SLC35D2: variants seen among roughly 807,000 people sequenced by gnomAD.
The protein encoded by SLC35D2 is nucleotide sugar transporter SLC35D2.
In SLC35D2, 43 loss-of-function variants were observed where a neutral mutation model predicts 41.8. That is an observed-to-expected ratio of 1.03 (90% CI 0.81 to 1.33). The LOEUF is 1.33. Ranked by LOEUF, SLC35D2 falls within the 40% of genes most tolerant of loss-of-function variation. The probability of loss-of-function intolerance (pLI) is 0.00; values close to 1 mark genes in which losing one functional copy is unlikely to be tolerated. For synonymous variants in SLC35D2, 150 were observed against 163.9 expected (o/e 0.92, Z 0.65); for missense variants, 380 against 408.4 (o/e 0.93, Z 0.60).
Position 96,341,666 on chromosome 9 carries a change from A to G in SLC35D2, c.684+2238T>C, listed in dbSNP as rs60355162. Among the ~76,000 whole-genome samples, 379 of 152,348 alleles carry G rather than the reference A, an allele frequency of 2.5e-3. 1 individual carries two copies. The highest frequency in any genetic ancestry group is 8.5e-3 in the African/African-American group (354 of 41,590). On this transcript the variant is annotated intron_variant, in intron 8 of 11. Transcript: ENST00000253270. Reference sequence around the variant, plus strand: ...ATCACATGAGAAAGCAGAAGATTCCACATGATAATCATTACAGGCAGAGGG... The same window carrying G: ...ATCACATGAGAAAGCAGAAGATTCCGCATGATAATCATTACAGGCAGAGGG...
At chr9:96,326,521 C>T (rs567320077) in intron 9 of SLC35D2, among the ~76,000 whole-genome samples, 5 of 152,222 alleles carry the variant, frequency 3.3e-5, no homozygotes, top group African/African-American at 4.8e-5. Context: ...ATCTAAGTTT[C>T]GGCCAGGTGT....
intron 1 of SLC35D2, among the ~76,000 whole-genome samples, chr9:96,370,455 G>A (rs1830630501): frequency 6.6e-6 from 1 of 152,062 alleles, no homozygotes; most frequent in African/African-American, 2.4e-5. Flanking sequence ...TCAGGAGTTC[G>A]AGGCCAGCCT....
At chr9:96,383,103 C>T (rs1038323052) in intron 1 of SLC35D2, among the ~76,000 whole-genome samples, 4 of 152,228 alleles carry the variant, frequency 2.6e-5, no homozygotes, top group Non-Finnish European at 5.9e-5. Flanking sequence ...GACTTACTGG[C>T]TCAGGAGTAC....
chr9:96,315,578 T>A (rs1828033100), intron 11 of SLC35D2, among the ~76,000 whole-genome samples: 1 of 151,856 alleles, frequency 6.6e-6, no homozygotes, highest in Non-Finnish European at 1.5e-5. Flanking sequence ...GGACTACAGG[T>A]GCCTGCCACC....
chr9:96,333,792 A>G (rs1371903357), intron 9 of SLC35D2, among the ~76,000 whole-genome samples: 1 of 152,054 alleles, frequency 6.6e-6, no homozygotes, highest in Non-Finnish European at 1.5e-5. Context: ...AAAACAAAAA[A>G]CAAACCAAAA....
intron 4 of SLC35D2, among the ~76,000 whole-genome samples, chr9:96,355,181 C>A (rs181220894): frequency 5.3e-5 from 8 of 151,876 alleles, no homozygotes; most frequent in Admixed American, 5.3e-4. Flanking sequence ...CCATGCCTGG[C>A]TAATTTTTGT....
At chr9:96,355,127 T>C (rs1347522530) in intron 4 of SLC35D2, among the ~76,000 whole-genome samples, 2 of 151,284 alleles carry the variant, frequency 1.3e-5, no homozygotes, top group Admixed American at 6.6e-5. Flanking sequence ...CAAGCGATTC[T>C]TGTGCCTCAG....
chr9:96,374,320 G>A lies in SLC35D2; in HGVS notation c.159-6015C>T, dbSNP rs191844909. 4.3e-3 allele frequency among the ~76,000 whole-genome samples: 658 copies of A among 152,266 alleles called. 1 individual carries two copies. Among genetic ancestry groups the A allele is most frequent in the Non-Finnish European group, 7.5e-3 (507 of 68,022 alleles). ...GGAGGCCAAGGCAGGCGAATCACGA[G>A]GTCAAGAGATAGAGACTATCCTGGC... is the stretch of plus-strand genomic sequence containing the variant. On this transcript the variant is annotated intron_variant, in intron 1 of 11. Coordinates refer to ENST00000253270, the MANE Select transcript of SLC35D2 (RefSeq NM_007001.3).
intron 4 of SLC35D2, among the ~76,000 whole-genome samples, chr9:96,357,850 G>T (rs10122138): frequency 0.015 from 2,238 of 151,680 alleles, 52 homozygotes; most frequent in African/African-American, 0.05. Context: ...ATCAGCCTGG[G>T]CAACATGGTG....
chr9:96,338,732 A>C (rs897486444), intron 8 of SLC35D2, among the ~76,000 whole-genome samples: 15 of 152,174 alleles, frequency 9.9e-5, no homozygotes, highest in Non-Finnish European at 1.2e-4. Context: ...TAATAAATAT[A>C]AATCTGTCTT....
chr9:96,374,030 G>A (rs1461800974), intron 1 of SLC35D2: 3 of 152,170 alleles, frequency 2.0e-5, no homozygotes, highest in Non-Finnish European at 4.4e-5. Flanking sequence ...TCCCAGTACT[G>A]TGTGTGCCCT....
rs535939636 is a variant in SLC35D2, at chr9:96,343,707, A to T, written c.684+197T>A. 3.9e-5 allele frequency among the ~76,000 whole-genome samples: 6 copies of T among 152,328 alleles called. No homozygotes were observed. The East Asian group carries it at 9.6e-4, about 24-fold the overall frequency. On this transcript the variant is annotated intron_variant, in intron 8 of 11. Coordinates refer to ENST00000253270, the MANE Select transcript of SLC35D2 (RefSeq NM_007001.3). ...AGTCCAGAGTTCTTGGCTCTCCTTG[A>T]TATGTGGCTAAGGATAAATGCCAAT...
chr9:96,373,699 A>AC (rs1448015228), intron 1 of SLC35D2, among the ~76,000 whole-genome samples: 9 of 152,018 alleles, frequency 5.9e-5, no homozygotes, highest in African/African-American at 1.9e-4. Flanking sequence ...AAAAAAAAAA[A>AC]AAACAATTTG....
At chr9:96,333,294 GA>G (rs553422591) in intron 9 of SLC35D2, among the ~76,000 whole-genome samples, 4 of 151,358 alleles carry the variant, frequency 2.6e-5, no homozygotes, top group Admixed American at 1.3e-4. Context: ...ATTAAATGGG[GA>G]AAAAAAGTAT....
intron 1 of SLC35D2, among the ~76,000 whole-genome samples, chr9:96,377,513 G>C (rs1056204742): frequency 2.0e-5 from 3 of 152,132 alleles, no homozygotes; most frequent in Admixed American, 2.0e-4. Flanking sequence ...GCAAAACCTC[G>C]AACCTTCTCT....
At chr9:96,336,573 C>G (rs1248647610) in intron 9 of SLC35D2, 144 bp downstream of exon 9, 1 of 598,656 alleles carries the variant, frequency 1.7e-6, no homozygotes, top group African/African-American at 1.9e-5. Flanking sequence ...GGGTCCCTGA[C>G]ACCTCCTTTG....
intron 1 of SLC35D2, among the ~76,000 whole-genome samples, chr9:96,373,368 CT>C (rs1335852274): frequency 6.6e-6 from 1 of 152,174 alleles, no homozygotes; most frequent in Non-Finnish European, 1.5e-5. Flanking sequence ...ACCCCCTCCC[CT>C]GATATGTCCT....
At chr9:96,364,343 AAAG>A in intron 3 of SLC35D2, 118 bp downstream of exon 3, 1 of 654,868 alleles carries the variant, frequency 1.5e-6, no homozygotes, top group Non-Finnish European at 2.6e-6. Context: ...TCAAACAAAA[AAAG>A]AAGTTTCTAT....
At chr9:96,318,797 C>T (rs1828118308), downstream of SLC35D2, among the ~76,000 whole-genome samples, 1 of 151,956 alleles carries the variant, frequency 6.6e-6, no homozygotes, top group African/African-American at 2.4e-5. Context: ...TCTCTAAAAA[C>T]AAAATAAAAT....
Sources: allele counts gnomAD v4.1 joint callset (sites outside exome capture counted in the v4.1 genomes callset), GRCh38; gene constraint gnomAD v4.1.1; transcripts MANE v1.5; gene names NCBI Gene and HGNC (gene_info 2026-07-23, HGNC 2026-07-21).